CDC42SE2: variants seen among roughly 807,000 people sequenced by gnomAD.
The protein encoded by CDC42SE2 is CDC42 small effector 2.
A neutral mutation model predicts 11.5 loss-of-function variants in CDC42SE2; 3 were observed. The observed-to-expected ratio is 0.26, with a 90% confidence interval of 0.12 to 0.67. The LOEUF (loss-of-function observed/expected upper bound fraction) is 0.67, where lower values mean the gene tolerates loss of function less well. Ranked by LOEUF, CDC42SE2 falls within the 30% of genes least tolerant of loss-of-function variation. The pLI, the probability that CDC42SE2 is intolerant of heterozygous loss-of-function variation, is 0.80. For synonymous variants in CDC42SE2, 33 were observed against 34.8 expected, an observed-to-expected ratio of 0.95 and a Z score of 0.18; for missense variants, 82 against 106.8, an observed-to-expected ratio of 0.77 and a Z score of 1.02.
intron 1 of CDC42SE2, among the ~76,000 whole-genome samples, chr5:131,297,157 CTTT>C (rs5871416): frequency 0.091 from 12,387 of 136,516 alleles, 853 homozygotes; most frequent in African/African-American, 0.21. Context: ...ACTTTATATT[CTTT>C]TTTTTTTTTT....
chr5:131,255,142 C>G (rs371822263), exon 2 of CDC42SE2: 1 of 152,128 alleles, frequency 6.6e-6, no homozygotes, highest in East Asian at 1.9e-4. Flanking sequence ...TATTTAAAGT[C>G]TAGTACTAAG....
chr5:131,378,689 C>G (rs1750225541), intron 3 of CDC42SE2, among the ~76,000 whole-genome samples: 2 of 152,052 alleles, frequency 1.3e-5, no homozygotes, highest in Admixed American at 6.5e-5. Context: ...TTATTTAATT[C>G]TTAAATAACC....
intron 2 of CDC42SE2, among the ~76,000 whole-genome samples, chr5:131,349,432 A>G (rs1758945418): frequency 6.6e-6 from 1 of 152,206 alleles, no homozygotes; most frequent in African/African-American, 2.4e-5. Flanking sequence ...TGGCACATGT[A>G]TACATATGTA....
chr5:131,337,360 A>C (rs988341641), intron 2 of CDC42SE2, among the ~76,000 whole-genome samples: 1 of 152,148 alleles, frequency 6.6e-6, no homozygotes, highest in Non-Finnish European at 1.5e-5. Context: ...CGGCCACATG[A>C]GGTGTCAAGT....
At chr5:131,360,794 A>G (rs1749684219) in intron 3 of CDC42SE2, among the ~76,000 whole-genome samples, 1 of 152,062 alleles carries the variant, frequency 6.6e-6, no homozygotes, top group Non-Finnish European at 1.5e-5. Flanking sequence ...GTAACTCCCA[A>G]TCTCAAGTGA....
chr5:131,247,136 G>C (rs1756601653), intron 1 of CDC42SE2, among the ~76,000 whole-genome samples: 1 of 151,932 alleles, frequency 6.6e-6, no homozygotes, highest in South Asian at 2.1e-4. Context: ...GTTTTTAGTA[G>C]TACCTTTTAT....
chr5:131,274,692 CGTCCT>C (rs2149696429), intron 1 of CDC42SE2, among the ~76,000 whole-genome samples: 1 of 152,280 alleles, frequency 6.6e-6, no homozygotes, highest in African/African-American at 2.4e-5. Flanking sequence ...ATCGTCTGTA[CGTCCT>C]GCTTGTCTGA....
chr5:131,336,403 A>G (rs1379386565), intron 2 of CDC42SE2, among the ~76,000 whole-genome samples: 1 of 151,956 alleles, frequency 6.6e-6, no homozygotes, highest in Non-Finnish European at 1.5e-5. Flanking sequence ...TGCCCTTAAC[A>G]TTTTTTCCTT....
the CDC42SE2 span, among the ~76,000 whole-genome samples, chr5:131,236,836 T>C: frequency 6.6e-6 from 1 of 152,244 alleles, no homozygotes; most frequent in Admixed American, 6.5e-5. Flanking sequence ...TAAATTTCAA[T>C]ATATGTTACT....
intron 2 of CDC42SE2, among the ~76,000 whole-genome samples, chr5:131,321,843 G>A (rs1758196868): frequency 6.6e-6 from 1 of 151,828 alleles, no homozygotes; most frequent in African/African-American, 2.4e-5. Flanking sequence ...CATTAGAAAT[G>A]TTTTTTTTGT....
chr5:131,297,681 C>T (rs954966901), intron 1 of CDC42SE2, among the ~76,000 whole-genome samples: 3 of 151,902 alleles, frequency 2.0e-5, no homozygotes, highest in African/African-American at 7.3e-5. Context: ...GATTGTGCCA[C>T]TGCACTCCAG....
intron 3 of CDC42SE2, among the ~76,000 whole-genome samples, chr5:131,363,714 GAGA>G (rs1156455661): frequency 2.5e-5 from 1 of 40,396 alleles, no homozygotes; most frequent in Non-Finnish European, 4.7e-5. Flanking sequence ...TTTTTTTTTT[GAGA>G]AGGAGTCTCG....
At chr5:131,235,415 G>A in the CDC42SE2 span, among the ~76,000 whole-genome samples, 4 of 150,786 alleles carry the variant, frequency 2.7e-5, no homozygotes, top group African/African-American at 4.9e-5. Flanking sequence ...TCAGCCTCCC[G>A]AGTAGCTGAG....
At chr5:131,355,438 C>T (rs996665994) in intron 2 of CDC42SE2, among the ~76,000 whole-genome samples, 6 of 151,842 alleles carry the variant, frequency 4.0e-5, no homozygotes, top group Admixed American at 1.3e-4. Context: ...GATTGCTCCA[C>T]TCCACTGCAG....
intron 1 of CDC42SE2, among the ~76,000 whole-genome samples, chr5:131,293,134 A>T (rs555824292): frequency 3.2e-4 from 49 of 152,170 alleles, no homozygotes; most frequent in Non-Finnish European, 6.8e-4. Context: ...CTAACCCGCA[A>T]CGTGATGGTA....
At chr5:131,287,144 G>A (rs751358657) in intron 1 of CDC42SE2, among the ~76,000 whole-genome samples, 2 of 152,040 alleles carry the variant, frequency 1.3e-5, no homozygotes, top group East Asian at 1.9e-4. Context: ...ATAGGGGCCC[G>A]CCACCATGCC....
chr5:131,334,505 T>C (rs1247646833), intron 2 of CDC42SE2, among the ~76,000 whole-genome samples: 2 of 152,192 alleles, frequency 1.3e-5, no homozygotes, highest in South Asian at 2.1e-4. Context: ...GGATTCCCTC[T>C]TTTTCTATTG....
intron 4 of CDC42SE2, among the ~76,000 whole-genome samples, chr5:131,390,500 C>A (rs978077492): frequency 6.6e-6 from 1 of 152,018 alleles, no homozygotes; most frequent in African/African-American, 2.4e-5. Context: ...GCCTGGCCAA[C>A]ATGGTGAAAC....
intron 2 of CDC42SE2, among the ~76,000 whole-genome samples, chr5:131,351,060 CTCAG>C (rs377321599): frequency 1.6e-3 from 238 of 152,228 alleles, no homozygotes; most frequent in African/African-American, 5.5e-3. Context: ...ATCCTCCTGC[CTCAG>C]CCCCTCCAAG....
Sources: gnomAD v4.1 joint callset for allele counts (sites outside exome capture counted in the v4.1 genomes callset) on GRCh38, gnomAD v4.1.1 for gene constraint, MANE v1.5 for transcripts, NCBI Gene and HGNC (gene_info 2026-07-23, HGNC 2026-07-21) for gene names.